TBC1D19: variants seen among roughly 807,000 people sequenced by gnomAD.
TBC1D19 encodes the protein TBC1 domain family member 19, also known as TBC1 domain family, member 19.
Under a neutral mutation model 89.0 loss-of-function variants are expected in TBC1D19, and 60 were observed. The observed-to-expected ratio is 0.67, with a 90% CI of 0.55 to 0.84. The LOEUF is 0.84. Among genes scored for constraint, TBC1D19 ranks in the 40% least tolerant of loss-of-function variants. The pLI, the probability that TBC1D19 is intolerant of heterozygous loss-of-function variation, is 0.00. For missense variants in TBC1D19, 500 were observed against 610.8 expected, an observed-to-expected ratio of 0.82 and a Z score of 1.91; for synonymous variants, 189 against 199.7, an observed-to-expected ratio of 0.95 and a Z score of 0.45.
chr4:26,833,256 A>C, the TBC1D19 span, among the ~76,000 whole-genome samples: 8 of 152,250 alleles, frequency 5.3e-5, no homozygotes, highest in African/African-American at 1.9e-4. Context: ...AAAATCAAGG[A>C]TGCAATGCAT....
intron 7 of TBC1D19, among the ~76,000 whole-genome samples, chr4:26,647,171 G>T (rs931035387): frequency 6.6e-6 from 1 of 152,106 alleles, no homozygotes; most frequent in African/African-American, 2.4e-5. Flanking sequence ...ATGAGAAAAA[G>T]AAAAGATAAT....
intron 9 of TBC1D19, among the ~76,000 whole-genome samples, chr4:26,667,118 A>G (rs1245149486): frequency 6.6e-6 from 1 of 152,128 alleles, no homozygotes; most frequent in Middle Eastern, 3.4e-3. Context: ...TATTATTATT[A>G]CTATGTAATC....
At chr4:26,837,353 A>T in the TBC1D19 span, among the ~76,000 whole-genome samples, 7 of 152,322 alleles carry the variant, frequency 4.6e-5, no homozygotes, top group African/African-American at 1.7e-4. Context: ...AGAAAGATGC[A>T]ATAGACTAGC....
intron 12 of TBC1D19, 123 bp from the exon 13 acceptor site, chr4:26,688,222 A>G: frequency 7.8e-7 from 1 of 1,283,808 alleles, no homozygotes; most frequent in South Asian, 1.8e-5. Context: ...AATTTAATTG[A>G]GAAGTTTATA....
chr4:26,766,890 A>G, the TBC1D19 span, among the ~76,000 whole-genome samples: 1 of 152,236 alleles, frequency 6.6e-6, no homozygotes, highest in African/African-American at 2.4e-5. Context: ...GAAGAAGAAG[A>G]AATCTATTCT....
chr4:26,814,666 T>A, the TBC1D19 span, among the ~76,000 whole-genome samples: 1 of 152,256 alleles, frequency 6.6e-6, no homozygotes, highest in Non-Finnish European at 1.5e-5. Flanking sequence ...TGGGGCTTCA[T>A]CTTTATGTCC....
the TBC1D19 span, among the ~76,000 whole-genome samples, chr4:26,786,862 T>C: frequency 6.6e-6 from 1 of 152,086 alleles, no homozygotes; most frequent in Admixed American, 6.6e-5. Context: ...AATGGGTGGG[T>C]GGGTGCATGA....
rs188469461 is a variant in TBC1D19, at chr4:26,605,991, C to A, written c.100-7178C>A. On this transcript the variant is annotated intron_variant, in intron 1 of 20. Transcript: ENST00000264866. ...CAATGCAAGTATCAATAGATGTCATCCACATAAACAAAAGCATTCTTGGGT... is the reference window on the plus strand; with the variant it reads ...CAATGCAAGTATCAATAGATGTCATACACATAAACAAAAGCATTCTTGGGT... Among the ~76,000 whole-genome samples, 595 of 152,254 alleles carry A rather than the reference C, an allele frequency of 3.9e-3. 6 individuals carry two copies. Among genetic ancestry groups the A allele is most frequent in the African/African-American group, 0.013 (554 of 41,550 alleles).
intron 18 of TBC1D19, among the ~76,000 whole-genome samples, chr4:26,746,182 A>G (rs533899375): frequency 6.6e-6 from 1 of 152,098 alleles, no homozygotes; most frequent in East Asian, 1.9e-4. Flanking sequence ...GAAAAAAAGA[A>G]GATGAAGAAA....
chr4:26,706,497 T>A (rs11931159), intron 13 of TBC1D19, among the ~76,000 whole-genome samples: 56,984 of 151,874 alleles, frequency 0.38, 11,679 homozygotes, highest in Non-Finnish European at 0.46. Context: ...TCAGTTATTA[T>A]CTCTATTGTT....
the TBC1D19 span, among the ~76,000 whole-genome samples, chr4:26,824,312 T>C: frequency 6.6e-6 from 1 of 152,226 alleles, no homozygotes; most frequent in Non-Finnish European, 1.5e-5. Context: ...ACTTCGTTCT[T>C]ATTAAGACAA....
chr4:26,828,547 G>T, the TBC1D19 span, among the ~76,000 whole-genome samples: 2 of 152,224 alleles, frequency 1.3e-5, no homozygotes, highest in African/African-American at 4.8e-5. Flanking sequence ...AAACTTCTAA[G>T]ACACTGCTCC....
At chr4:26,674,289 A>C (rs1385182690) in intron 11 of TBC1D19, among the ~76,000 whole-genome samples, 10 of 152,114 alleles carry the variant, frequency 6.6e-5, no homozygotes. Context: ...TGAAATATGC[A>C]CTATTTTTAT....
the TBC1D19 span, chr4:26,857,866 G>C: frequency 6.6e-6 from 1 of 152,404 alleles, no homozygotes; most frequent in African/African-American, 2.4e-5. Flanking sequence ...CCGGTGCACG[G>C]ATCCTGCTGT....
chr4:26,674,873 ATAT>A (rs1420482520), intron 11 of TBC1D19, among the ~76,000 whole-genome samples: 2 of 152,012 alleles, frequency 1.3e-5, no homozygotes, highest in African/African-American at 4.8e-5. Context: ...AGAAAATCAA[ATAT>A]TATTAATATT....
At chr4:26,728,998 G>C (rs1454256994) in intron 15 of TBC1D19, among the ~76,000 whole-genome samples, 1 of 152,228 alleles carries the variant, frequency 6.6e-6, no homozygotes, top group Non-Finnish European at 1.5e-5. Flanking sequence ...CTCGGCGACA[G>C]AGCGAGACTC....
intron 7 of TBC1D19, among the ~76,000 whole-genome samples, chr4:26,651,362 C>T (rs374395510): frequency 3.6e-4 from 54 of 151,612 alleles, no homozygotes; most frequent in Non-Finnish European, 4.6e-4. Flanking sequence ...GGAATGTTCT[C>T]CCATTTGTTT....
At chr4:26,706,544 T>C (rs1487194908) in intron 13 of TBC1D19, among the ~76,000 whole-genome samples, 1 of 152,114 alleles carries the variant, frequency 6.6e-6, no homozygotes, top group African/African-American at 2.4e-5. Flanking sequence ...TGCTCTACTT[T>C]TTATTATTTT....
chr4:26,689,452 CACTT>C (rs1186427640), intron 13 of TBC1D19, among the ~76,000 whole-genome samples: 2 of 152,016 alleles, frequency 1.3e-5, no homozygotes, highest in Non-Finnish European at 2.9e-5. Context: ...AGGTGTATCT[CACTT>C]TATTGTGCTT....
Sources: gnomAD v4.1 joint callset for allele counts (sites outside exome capture counted in the v4.1 genomes callset) on GRCh38, gnomAD v4.1.1 for gene constraint, MANE v1.5 for transcripts, NCBI Gene and HGNC (gene_info 2026-07-23, HGNC 2026-07-21) for gene names.